The following MBNL1 variants were observed in gnomAD, a reference collection of about 807,000 sequenced individuals.
The protein encoded by MBNL1 is muscleblind-like protein 1.
In MBNL1, 8 loss-of-function variants were observed where a neutral mutation model predicts 42.2. The ratio of observed to expected loss-of-function variants is 0.19; its 90% CI spans 0.11 to 0.34. The LOEUF (loss-of-function observed/expected upper bound fraction) is 0.34. MBNL1 is among the 10% of genes least tolerant of loss of function. MBNL1 has a pLI of 1.00. For missense variants in MBNL1, 309 were observed against 495.3 expected (o/e 0.62, Z 3.57); for synonymous variants, 169 against 173.9 (o/e 0.97, Z 0.22).
At chr3:152,423,581 T>G (rs2098841678) in intron 3 of MBNL1, among the ~76,000 whole-genome samples, 1 of 152,236 alleles carries the variant, frequency 6.6e-6, no homozygotes, top group Non-Finnish European at 1.5e-5. Context: ...TCACTCATTT[T>G]GTGAGGCCAG....
chr3:152,337,179 T>G (rs2090825122), intron 2 of MBNL1, among the ~76,000 whole-genome samples: 1 of 152,160 alleles, frequency 6.6e-6, no homozygotes, highest in African/African-American at 2.4e-5. Context: ...GTGGGCTCCT[T>G]AAGGTGAGTT....
chr3:152,318,720 C>T (rs980762904), intron 2 of MBNL1, among the ~76,000 whole-genome samples: 1 of 152,246 alleles, frequency 6.6e-6, no homozygotes, highest in Admixed American at 6.5e-5. Flanking sequence ...ATCATTACTA[C>T]ATAGATCTTT....
chr3:152,368,553 G>A (rs2096529380), intron 2 of MBNL1, among the ~76,000 whole-genome samples: 7 of 152,116 alleles, frequency 4.6e-5, no homozygotes, highest in Admixed American at 4.6e-4. Flanking sequence ...TGTGAAGAAA[G>A]GCAGTGGTAG....
At chr3:152,305,230 T>A (rs760627603) in intron 2 of MBNL1, among the ~76,000 whole-genome samples, 6 of 152,184 alleles carry the variant, frequency 3.9e-5, no homozygotes, top group Admixed American at 1.3e-4. Flanking sequence ...GTGAATTGTC[T>A]TTTGAAGAAC....
At chr3:152,445,571 G>A in intron 5 of MBNL1, 32 bp downstream of exon 5, 1 of 1,572,920 alleles carries the variant, frequency 6.4e-7, no homozygotes. Flanking sequence ...CTCCTTGTTA[G>A]CAGTCAGAAA....
chr3:152,412,415 C>T (rs890841308), intron 2 of MBNL1, among the ~76,000 whole-genome samples: 6 of 152,130 alleles, frequency 3.9e-5, no homozygotes, highest in African/African-American at 1.2e-4. Flanking sequence ...TCACAGCTCT[C>T]TGTGGGAGAG....
At chr3:152,435,891 T>G (rs991953953) in intron 4 of MBNL1, among the ~76,000 whole-genome samples, 4 of 152,176 alleles carry the variant, frequency 2.6e-5, no homozygotes, top group African/African-American at 9.7e-5. Context: ...ATACATTGAT[T>G]TTGTGTCCTG....
In MBNL1 at chr3:152,328,742, T is replaced by A. The variant is rs547920978; in HGVS notation, c.174+28375T>A. 2.0e-5 allele frequency among the ~76,000 whole-genome samples: 3 copies of A among 152,310 alleles called. No individual in the cohort carries two copies. The East Asian group carries it at 5.8e-4, about 29-fold the overall frequency. The stretch of plus-strand genomic sequence containing the variant: ...ATTTGAAATCTTAGCCCTTTAATTG[T>A]GATATCTGTTAATTCTAAAACTTAC... On this transcript the variant is annotated intron_variant, in intron 2 of 9. Transcript: ENST00000324210.
chr3:152,272,882 G>T (rs183780557), intron 1 of MBNL1, among the ~76,000 whole-genome samples: 150 of 152,264 alleles, frequency 9.9e-4, no homozygotes, highest in Admixed American at 1.4e-3. Context: ...CATTCACAGT[G>T]AGTGTTAAGC....
chr3:152,266,258 G>T (rs2037211559), upstream of MBNL1: 1 of 152,026 alleles, frequency 6.6e-6, no homozygotes, highest in Admixed American at 6.6e-5. Flanking sequence ...TATTTACCAG[G>T]ATGGTTATTC....
chr3:152,292,876 C>G (rs2056752902), intron 1 of MBNL1, among the ~76,000 whole-genome samples: 1 of 151,682 alleles, frequency 6.6e-6, no homozygotes, highest in Non-Finnish European at 1.5e-5. Flanking sequence ...TCAAGCAATC[C>G]TCCTGCCTCA....
At chr3:152,308,679 T>G (rs1424909759) in intron 2 of MBNL1, among the ~76,000 whole-genome samples, 1 of 152,174 alleles carries the variant, frequency 6.6e-6, no homozygotes, top group East Asian at 1.9e-4. Context: ...ACTGCAGAGC[T>G]TAATGAACAG....
chr3:152,438,390 T>G (rs1217100417), intron 4 of MBNL1, among the ~76,000 whole-genome samples: 1 of 152,174 alleles, frequency 6.6e-6, no homozygotes, highest in East Asian at 1.9e-4. Context: ...CTCAGGTAAT[T>G]AAACACAGAA....
intron 2 of MBNL1, among the ~76,000 whole-genome samples, chr3:152,352,736 TC>T (rs770549402): frequency 6.6e-6 from 1 of 152,164 alleles, no homozygotes; most frequent in African/African-American, 2.4e-5. Context: ...CCACATCAGT[TC>T]CTGTTGCAGT....
chr3:152,341,148 A>C (rs1006229427), intron 2 of MBNL1, among the ~76,000 whole-genome samples: 1 of 152,236 alleles, frequency 6.6e-6, no homozygotes, highest in Non-Finnish European at 1.5e-5. Flanking sequence ...ATTCTTTCAT[A>C]TATAAAAACA....
rs571958640 is a variant in MBNL1 at position 152,338,725 on chromosome 3, C to G, written c.174+38358C>G. 11 of 975,856 alleles carry G rather than the reference C, an allele frequency of 1.1e-5. No individual in the cohort carries two copies. The South Asian group carries it at 2.8e-4, about 25-fold the overall frequency. 60.4% of individuals were successfully genotyped at this position (975,856 alleles called of 1,614,324 possible). A position where few individuals can be genotyped will look rare whatever the true frequency, so the allele number is the denominator to read the frequency against. On this transcript the variant is annotated intron_variant, in intron 2 of 9. Coordinates refer to ENST00000324210, the MANE Select transcript of MBNL1 (RefSeq NM_021038.5). ...CGTTCTAGAAGCTAAAAACAAAACCCTGTAGCTATGGATTTAATATAAGTT... is the reference window on the plus strand; with the variant it reads ...CGTTCTAGAAGCTAAAAACAAAACCGTGTAGCTATGGATTTAATATAAGTT...
intron 5 of MBNL1, chr3:152,446,680 T>C: frequency 1.2e-6 from 2 of 1,612,360 alleles, no homozygotes; most frequent in Non-Finnish European, 1.7e-6. Context: ...ATTGCCATCA[T>C]GTGCTCGCTG....
At chr3:152,276,750 C>T (rs936930383) in intron 1 of MBNL1, among the ~76,000 whole-genome samples, 6 of 152,074 alleles carry the variant, frequency 3.9e-5, no homozygotes, top group Admixed American at 6.6e-5. Context: ...TTTAATAATA[C>T]GTAGTGTGGA....
At chr3:152,298,861 G>A (rs1347959100) in intron 1 of MBNL1, 1 of 152,164 alleles carries the variant, frequency 6.6e-6, no homozygotes, top group East Asian at 1.9e-4. Context: ...AGAGCCGGAG[G>A]GAAAGCAGCT....
Sources: allele counts gnomAD v4.1 joint callset (sites outside exome capture counted in the v4.1 genomes callset), GRCh38; gene constraint gnomAD v4.1.1; transcripts MANE v1.5; gene names NCBI Gene and HGNC (gene_info 2026-07-23, HGNC 2026-07-21).